Variants in NRXN3 observed in about 807,000 individuals in gnomAD.
NRXN3 encodes neurexin III.
Under a neutral mutation model 137.6 loss-of-function variants are expected in NRXN3, and 32 were observed. The observed-to-expected ratio is 0.23, with a 90% CI of 0.18 to 0.31. NRXN3 has a LOEUF of 0.31. Among genes scored for constraint, NRXN3 ranks in the 10% least tolerant of loss-of-function variants. The probability of loss-of-function intolerance (pLI) is 1.00; values close to 1 mark genes in which losing one functional copy is unlikely to be tolerated. For synonymous variants in NRXN3, 798 were observed against 784.5 expected (o/e 1.02, Z -0.29); for missense variants, 1,574 against 2,062.5 (o/e 0.76, Z 4.59).
chr14:79,519,637 G>C (rs10149537), intron 16 of NRXN3, among the ~76,000 whole-genome samples: 144,025 of 152,100 alleles, frequency 0.95, 68,236 homozygotes, highest in East Asian at 1. Flanking sequence ...TGCAAAATGG[G>C]CTGTATTACA....
intron 15 of NRXN3, among the ~76,000 whole-genome samples, chr14:79,233,062 A>G (rs1010931735): frequency 1.3e-5 from 2 of 152,124 alleles, no homozygotes; most frequent in African/African-American, 4.8e-5. Flanking sequence ...CCTTCCCAAA[A>G]TGAGCTCATT....
intron 15 of NRXN3, among the ~76,000 whole-genome samples, chr14:79,164,198 G>A (rs1246336039): frequency 1.3e-5 from 2 of 151,952 alleles, no homozygotes; most frequent in African/African-American, 4.8e-5. Flanking sequence ...TAATTCTTAT[G>A]TCTACTCTAA....
chr14:78,851,679 C>G (rs1373456936), intron 10 of NRXN3, among the ~76,000 whole-genome samples: 3 of 152,066 alleles, frequency 2.0e-5, no homozygotes, highest in African/African-American at 7.2e-5. Flanking sequence ...GCTGGGGAGG[C>G]CAGGCATGTC....
chr14:79,726,628 C>T (rs938385176), intron 19 of NRXN3, among the ~76,000 whole-genome samples: 2 of 152,086 alleles, frequency 1.3e-5, no homozygotes, highest in African/African-American at 4.8e-5. Context: ...TTACTGGGCA[C>T]CATACAGTAA....
chr14:79,370,011 C>A (rs2094037383), intron 15 of NRXN3, among the ~76,000 whole-genome samples: 1 of 152,162 alleles, frequency 6.6e-6, no homozygotes, highest in Non-Finnish European at 1.5e-5. Context: ...GGCGCATTGA[C>A]CTTCACATAT....
intron 8 of NRXN3, among the ~76,000 whole-genome samples, chr14:78,776,503 G>A (rs2098745489): frequency 6.6e-6 from 1 of 152,206 alleles, no homozygotes; most frequent in South Asian, 2.1e-4. Flanking sequence ...TTATAGGTCA[G>A]TGTGGCATTA....
intron 6 of NRXN3, among the ~76,000 whole-genome samples, chr14:78,663,994 G>T (rs1247320097): frequency 6.6e-6 from 1 of 152,204 alleles, no homozygotes; most frequent in Non-Finnish European, 1.5e-5. Flanking sequence ...GTAACCTTGT[G>T]TTCTGTTCCT....
chr14:79,303,621 A>G (rs1475336057), intron 15 of NRXN3, among the ~76,000 whole-genome samples: 1 of 151,984 alleles, frequency 6.6e-6, no homozygotes, highest in Non-Finnish European at 1.5e-5. Context: ...GAAGTTGGCA[A>G]ATTTTTTTGT....
intron 4 of NRXN3, among the ~76,000 whole-genome samples, chr14:78,435,456 G>A (rs58330928): frequency 0.024 from 3,710 of 152,182 alleles, 123 homozygotes; most frequent in African/African-American, 0.08. Flanking sequence ...AAGCAGTATT[G>A]CTCTGCCTCC....
chr14:78,629,647 G>T (rs538490029), intron 4 of NRXN3, among the ~76,000 whole-genome samples: 48 of 152,272 alleles, frequency 3.2e-4, no homozygotes, highest in South Asian at 1.0e-3. Context: ...TAATACAGAG[G>T]ACACTTGTGA....
At chr14:79,252,987 A>G (rs111588670) in intron 15 of NRXN3, among the ~76,000 whole-genome samples, 208 of 152,320 alleles carry the variant, frequency 1.4e-3, no homozygotes, top group African/African-American at 4.3e-3. Flanking sequence ...AACTTACATC[A>G]GAAGGAGAGA....
At chr14:78,183,918 A>G (rs1334981512) in intron 1 of NRXN3, among the ~76,000 whole-genome samples, 1 of 152,198 alleles carries the variant, frequency 6.6e-6, no homozygotes, top group Non-Finnish European at 1.5e-5. Flanking sequence ...TGTGGGAAGT[A>G]AGAAGGTTGC....
chr14:79,334,274 G>C (rs2092059663), intron 15 of NRXN3, among the ~76,000 whole-genome samples: 4 of 152,214 alleles, frequency 2.6e-5, no homozygotes, highest in Admixed American at 2.6e-4. Context: ...AAAAAATAAA[G>C]TAGAATGAGG....
chr14:79,173,191 T>C (rs548339705), intron 15 of NRXN3, among the ~76,000 whole-genome samples: 1 of 152,290 alleles, frequency 6.6e-6, no homozygotes, highest in South Asian at 2.1e-4. Context: ...AAGAATCCTA[T>C]ATGCTATAAT....
At chr14:78,271,197 A>G (rs890849069) in intron 2 of NRXN3, among the ~76,000 whole-genome samples, 4 of 152,188 alleles carry the variant, frequency 2.6e-5, no homozygotes, top group Admixed American at 6.5e-5. Context: ...TTCCTCTATT[A>G]CGTGTCACTG....
chr14:79,051,708 AAC>A (rs2099642170), intron 15 of NRXN3, among the ~76,000 whole-genome samples: 1 of 152,242 alleles, frequency 6.6e-6, no homozygotes, highest in Non-Finnish European at 1.5e-5. Context: ...AGAGGAACCT[AAC>A]ACATTTCTCA....
At chr14:79,393,510 T>C (rs2094921365) in intron 15 of NRXN3, among the ~76,000 whole-genome samples, 1 of 152,210 alleles carries the variant, frequency 6.6e-6, no homozygotes. Context: ...TTTAATAGAC[T>C]ATTAAGAGGT....
intron 20 of NRXN3, among the ~76,000 whole-genome samples, chr14:79,843,640 T>C (rs999702194): frequency 2.0e-5 from 3 of 152,236 alleles, no homozygotes; most frequent in African/African-American, 7.2e-5. Flanking sequence ...GTGATATTAA[T>C]ATTTAAATAT....
At chr14:78,466,693 A>G (rs1214499103) in intron 4 of NRXN3, among the ~76,000 whole-genome samples, 1 of 152,228 alleles carries the variant, frequency 6.6e-6, no homozygotes, top group Non-Finnish European at 1.5e-5. Context: ...AACCTTTGGC[A>G]CCAGACAGAC....
Sources: gnomAD v4.1 joint callset for allele counts (sites outside exome capture counted in the v4.1 genomes callset) on GRCh38, gnomAD v4.1.1 for gene constraint, MANE v1.5 for transcripts, NCBI Gene and HGNC (gene_info 2026-07-23, HGNC 2026-07-21) for gene names.